Variants in SPMAP2L observed in about 807,000 individuals in gnomAD.
SPMAP2L encodes the protein sperm microtubule associated protein 2-like.
At chr4:56,573,443 T>TTCTA in the SPMAP2L span, among the ~76,000 whole-genome samples, 1 of 152,172 alleles carries the variant, frequency 6.6e-6, no homozygotes, top group African/African-American at 2.4e-5. Flanking sequence ...CTTCTTTTTT[T>TTCTA]TCTATCTCTC....
chr4:56,557,361 C>T, the SPMAP2L span, among the ~76,000 whole-genome samples: 721 of 151,806 alleles, frequency 4.7e-3, 8 homozygotes, highest in African/African-American at 0.016. Context: ...CAAAGGCCAG[C>T]GAAGAAAATT....
At chr4:56,530,903 G>A in the SPMAP2L span, 6 of 1,535,154 alleles carry the variant, frequency 3.9e-6, no homozygotes, top group Non-Finnish European at 5.2e-6. Context: ...TCCGAGGAAT[G>A]TGATGAGCCT....
chr4:56,594,299 C>G, the SPMAP2L span: 1 of 1,544,002 alleles, frequency 6.5e-7, no homozygotes, highest in African/African-American at 1.4e-5. Flanking sequence ...AGACATTTCC[C>G]TTGTTCACAG....
chr4:56,603,246 T>C, the SPMAP2L span: 429 of 1,534,970 alleles, frequency 2.8e-4, 2 homozygotes, highest in Non-Finnish European at 3.6e-4. Flanking sequence ...TCCAGATGTC[T>C]TTAAAACCAA....
the SPMAP2L span, among the ~76,000 whole-genome samples, chr4:56,588,377 G>T: frequency 6.6e-6 from 1 of 151,234 alleles, no homozygotes; most frequent in Non-Finnish European, 1.5e-5. Context: ...TCTTGATCAT[G>T]AAATCCCTGC....
chr4:56,548,237 GT>G, the SPMAP2L span, among the ~76,000 whole-genome samples: 9 of 151,570 alleles, frequency 5.9e-5, no homozygotes, highest in South Asian at 1.5e-3. Flanking sequence ...TTCTCTTTCT[GT>G]TTTTTTTACC....
the SPMAP2L span, among the ~76,000 whole-genome samples, chr4:56,607,747 A>G: frequency 6.6e-6 from 1 of 152,048 alleles, no homozygotes; most frequent in Non-Finnish European, 1.5e-5. Context: ...CAGCACTTTG[A>G]GGGACTGAGG....
At chr4:56,600,644 G>A in the SPMAP2L span, among the ~76,000 whole-genome samples, 1 of 152,156 alleles carries the variant, frequency 6.6e-6, no homozygotes, top group Non-Finnish European at 1.5e-5. Flanking sequence ...GCTTTAGAAA[G>A]TACTTAGCTC....
the SPMAP2L span, among the ~76,000 whole-genome samples, chr4:56,570,550 T>C: frequency 3.3e-5 from 5 of 152,084 alleles, no homozygotes; most frequent in African/African-American, 1.2e-4. Context: ...CAGAAAGCTA[T>C]GGTATAAAAG....
chr4:56,539,013 A>C, the SPMAP2L span, among the ~76,000 whole-genome samples: 3 of 152,240 alleles, frequency 2.0e-5, no homozygotes, highest in Admixed American at 6.5e-5. Flanking sequence ...TCACTCAATA[A>C]GATTTTTCTT....
chr4:56,618,892 G>A, the SPMAP2L span, among the ~76,000 whole-genome samples: 32 of 152,280 alleles, frequency 2.1e-4, no homozygotes, highest in African/African-American at 7.2e-4. Flanking sequence ...AGTTCTGTAC[G>A]TTATCTGTGC....
At chr4:56,552,705 T>G in the SPMAP2L span, 1 of 739,224 alleles carries the variant, frequency 1.4e-6, no homozygotes, top group Non-Finnish European at 2.3e-6. Context: ...TCTACTTAAC[T>G]AGATCCTCTG....
At chr4:56,574,389 A>G in the SPMAP2L span, among the ~76,000 whole-genome samples, 23,470 of 152,036 alleles carry the variant, frequency 0.15, 3,098 homozygotes, top group African/African-American at 0.35. Flanking sequence ...ACTGCACTTC[A>G]GCCTGGGCAA....
the SPMAP2L span, among the ~76,000 whole-genome samples, chr4:56,543,951 T>A: frequency 1.9e-3 from 190 of 99,180 alleles, no homozygotes; most frequent in South Asian, 4.6e-3. Context: ...AGAGAGAGAG[T>A]GTGTGTGTGT....
chr4:56,620,515 A>G, the SPMAP2L span, among the ~76,000 whole-genome samples: 1 of 151,900 alleles, frequency 6.6e-6, no homozygotes, highest in South Asian at 2.1e-4. Context: ...CTGCCCGAGT[A>G]GCTGGGATTA....
the SPMAP2L span, among the ~76,000 whole-genome samples, chr4:56,584,018 G>T: frequency 1.3e-5 from 2 of 151,512 alleles, no homozygotes; most frequent in African/African-American, 4.9e-5. Context: ...CCAGGCTGGA[G>T]TGCAGTGGTG....
At chr4:56,575,466 C>T in the SPMAP2L span, 2 of 1,531,146 alleles carry the variant, frequency 1.3e-6, no homozygotes, top group African/African-American at 1.4e-5. Flanking sequence ...TGAAATCATG[C>T]TTGTTTCGTT....
At chr4:56,558,562 G>T in the SPMAP2L span, among the ~76,000 whole-genome samples, 572 of 152,246 alleles carry the variant, frequency 3.8e-3, 2 homozygotes, top group Middle Eastern at 0.01. Context: ...TTATGCACTT[G>T]ATTTCATGGT....
At chr4:56,557,092 T>C in the SPMAP2L span, among the ~76,000 whole-genome samples, 1 of 148,780 alleles carries the variant, frequency 6.7e-6, no homozygotes, top group Non-Finnish European at 1.5e-5. Context: ...CTAATAAAAA[T>C]ACAAAAATTA....
Sources: allele counts gnomAD v4.1 joint callset (sites outside exome capture counted in the v4.1 genomes callset), GRCh38; gene constraint gnomAD v4.1.1; transcripts MANE v1.5; gene names NCBI Gene and HGNC (gene_info 2026-07-23, HGNC 2026-07-21).